Variants in COL10A1 observed in about 807,000 individuals in gnomAD.
COL10A1 encodes collagen alpha-1(X) chain.
COL10A1 carries 10 observed loss-of-function variants against 18.2 expected under a neutral mutation model. The ratio of observed to expected loss-of-function variants is 0.55; its 90% CI spans 0.34 to 0.93. COL10A1 has a LOEUF of 0.93. COL10A1 is among the 40% of genes least tolerant of loss of function. COL10A1 has a pLI of 0.02. For missense variants in COL10A1, 897 were observed against 853.5 expected (o/e 1.05, Z -0.64); for synonymous variants, 330 against 316.6 (o/e 1.04, Z -0.45).
At chr6:116,150,142 T>C (rs1293005194) in intron 1 of COL10A1, among the ~76,000 whole-genome samples, 1 of 152,104 alleles carries the variant, frequency 6.6e-6, no homozygotes, top group Non-Finnish European at 1.5e-5. Context: ...AGAGGCCAAG[T>C]CTTGAAGGAA....
chr6:116,167,298 C>T, the COL10A1 span, among the ~76,000 whole-genome samples: 17 of 148,802 alleles, frequency 1.1e-4, no homozygotes, highest in South Asian at 2.1e-4. Flanking sequence ...CTGCAACTTC[C>T]GCCTCCCAGG....
chr6:116,200,338 T>C, the COL10A1 span, among the ~76,000 whole-genome samples: 9 of 151,998 alleles, frequency 5.9e-5, no homozygotes, highest in Non-Finnish European at 1.2e-4. Context: ...CTGGATGGGA[T>C]CCTGGCACAG....
At chr6:116,201,773 C>A in the COL10A1 span, among the ~76,000 whole-genome samples, 1 of 151,992 alleles carries the variant, frequency 6.6e-6, no homozygotes, top group African/African-American at 2.4e-5. Flanking sequence ...TGATTCTGGG[C>A]AGAGTATTTC....
Position 116,121,804 on chromosome 6 carries a change from A to G in COL10A1, c.312T>C (p.Ala104=). The G allele has an allele frequency of 1.2e-6, 2 of 1,611,534 alleles. No individual in the cohort carries two copies. The highest frequency in any genetic ancestry group is 2.2e-5 in the East Asian group (1 of 44,756). Reference sequence around the variant, plus strand: ...GTCCTGGCACACCTGGTTTCCCTACAGCTGATGGTCCCGGTGGTCCTGGCA... The same window carrying G: ...GTCCTGGCACACCTGGTTTCCCTACGGCTGATGGTCCCGGTGGTCCTGGCA... ...PGLPGPPGPS[A]VGKPGVPGLP... The change falls in exon 3 of 3, where the codon GCT becomes GCC. Residue 104 remains alanine (A), a synonymous_variant. Coordinates refer to ENST00000651968, the MANE Select transcript of COL10A1 (RefSeq NM_000493.4).
At chr6:116,184,056 T>C in the COL10A1 span, among the ~76,000 whole-genome samples, 1 of 152,132 alleles carries the variant, frequency 6.6e-6, no homozygotes, top group African/African-American at 2.4e-5. Flanking sequence ...TGGTTTTTAT[T>C]ACCTTGAGGT....
chr6:116,159,590 A>G (rs894414655), upstream of COL10A1, among the ~76,000 whole-genome samples: 1 of 152,144 alleles, frequency 6.6e-6, no homozygotes, highest in African/African-American at 2.4e-5. Context: ...AATTTTCTTT[A>G]TGCTCCCTGC....
intron 1 of COL10A1, among the ~76,000 whole-genome samples, chr6:116,143,097 G>T (rs1010605087): frequency 1.4e-4 from 21 of 152,204 alleles, no homozygotes; most frequent in African/African-American, 5.1e-4. Flanking sequence ...ATAATATTTA[G>T]AAATAATATT....
chr6:116,147,351 G>A (rs1428362508), intron 1 of COL10A1, among the ~76,000 whole-genome samples: 2 of 151,842 alleles, frequency 1.3e-5, no homozygotes, highest in Non-Finnish European at 2.9e-5. Flanking sequence ...CTGAGGCAGG[G>A]AAATTGCTTG....
chr6:116,127,269 C>T (rs1013067296), upstream of COL10A1, among the ~76,000 whole-genome samples: 8 of 152,096 alleles, frequency 5.3e-5, no homozygotes, highest in Admixed American at 1.3e-4. Flanking sequence ...CTTTCTCTCC[C>T]CTTCAAGCAA....
chr6:116,168,954 G>A, the COL10A1 span, among the ~76,000 whole-genome samples: 1,377 of 152,270 alleles, frequency 9.0e-3, 15 homozygotes, highest in Non-Finnish European at 0.015. Context: ...CTGTAGTATA[G>A]CCTTTTGGGT....
chr6:116,188,719 T>TA, the COL10A1 span, among the ~76,000 whole-genome samples: 1 of 151,548 alleles, frequency 6.6e-6, no homozygotes, highest in Non-Finnish European at 1.5e-5. Context: ...TTTTTTTTTT[T>TA]ACCTGATTAG....
At chr6:116,207,442 T>C in the COL10A1 span, among the ~76,000 whole-genome samples, 1 of 151,972 alleles carries the variant, frequency 6.6e-6, no homozygotes, top group Admixed American at 6.6e-5. Flanking sequence ...AGGTAAAGAC[T>C]AAGTTTATAA....
At chr6:116,186,582 C>A in the COL10A1 span, among the ~76,000 whole-genome samples, 5 of 151,774 alleles carry the variant, frequency 3.3e-5, no homozygotes, top group African/African-American at 9.7e-5. Flanking sequence ...TTATTTAATT[C>A]TTTTTTCTTT....
chr6:116,171,269 CGAA>C, the COL10A1 span, among the ~76,000 whole-genome samples: 1 of 151,998 alleles, frequency 6.6e-6, no homozygotes, highest in East Asian at 1.9e-4. Flanking sequence ...TATTATTTTA[CGAA>C]GAATACACAT....
chr6:116,199,063 A>T, the COL10A1 span, among the ~76,000 whole-genome samples: 1 of 151,992 alleles, frequency 6.6e-6, no homozygotes, highest in African/African-American at 2.4e-5. Flanking sequence ...TATCCACTAG[A>T]TGGTAGTAGC....
chr6:116,130,644 G>A (rs1295496984), upstream of COL10A1, among the ~76,000 whole-genome samples: 6 of 152,026 alleles, frequency 3.9e-5, no homozygotes, highest in South Asian at 4.1e-4. Flanking sequence ...GCTAAGAAAC[G>A]TATGCACAGG....
At chr6:116,206,384 T>G in the COL10A1 span, among the ~76,000 whole-genome samples, 3 of 152,046 alleles carry the variant, frequency 2.0e-5, no homozygotes, top group Non-Finnish European at 4.4e-5. Flanking sequence ...GTGATCATTT[T>G]ATAGATAAGC....
chr6:116,121,100 G>T lies in COL10A1; in HGVS notation c.1016C>A (p.Pro339His), dbSNP rs373185008. 6.2e-7 allele frequency: 1 copy of T among 1,613,872 alleles called. No homozygotes were observed. The highest frequency in any genetic ancestry group is 8.5e-7 in the Non-Finnish European group (1 of 1,179,902). Residue 339 changes from proline (P) to histidine (H), a missense_variant, in exon 3 of 3, where the codon CCC (proline) becomes CAC (histidine). Physicochemically the swap from Pro to His is moderately conservative, Grantham distance 77 (BLOSUM62 -2). Coordinates refer to ENST00000651968, the MANE Select transcript of COL10A1 (RefSeq NM_000493.4). ...TCCTTGGGGTCCCATATTCCCAGGG[G>T]GTCCAGTCAGACCTGGCTTCCCAGG... ...GLPGKPGLTG[P>H]PGNMGPQGPK... is the part of the protein sequence containing the mutation.
the COL10A1 span, among the ~76,000 whole-genome samples, chr6:116,212,839 T>G: frequency 3.9e-5 from 6 of 152,170 alleles, no homozygotes; most frequent in East Asian, 1.2e-3. Context: ...GAATTTGCTT[T>G]AAATACTTGT....
Sources: allele counts gnomAD v4.1 joint callset (sites outside exome capture counted in the v4.1 genomes callset), GRCh38; gene constraint gnomAD v4.1.1; transcripts MANE v1.5; gene names NCBI Gene and HGNC (gene_info 2026-07-23, HGNC 2026-07-21).